The following SNX29 variants were observed in gnomAD, a reference collection of about 807,000 sequenced individuals.
SNX29 encodes sorting nexin-29.
Under a neutral mutation model 102.1 loss-of-function variants are expected in SNX29, and 78 were observed. That is an observed-to-expected ratio of 0.76 (90% CI 0.64 to 0.92). SNX29 has a LOEUF of 0.92. Among genes scored for constraint, SNX29 ranks in the 40% least tolerant of loss-of-function variants. The probability of loss-of-function intolerance (pLI) is 0.00; values close to 1 mark genes in which losing one functional copy is unlikely to be tolerated. For synonymous variants in SNX29, 580 were observed against 414.5 expected, an observed-to-expected ratio of 1.40 and a Z score of -4.85; for missense variants, 1,280 against 1,061.7, an observed-to-expected ratio of 1.21 and a Z score of -2.86.
At chr16:12,042,060 C>A (rs866001291) in intron 4 of SNX29, among the ~76,000 whole-genome samples, 2 of 152,058 alleles carry the variant, frequency 1.3e-5, no homozygotes, top group Non-Finnish European at 2.9e-5. Context: ...GAGGCTGAGT[C>A]TTGTTCTGCC....
intron 20 of SNX29, among the ~76,000 whole-genome samples, chr16:12,532,030 T>C (rs1284502847): frequency 6.6e-6 from 1 of 151,994 alleles, no homozygotes; most frequent in Non-Finnish European, 1.5e-5. Context: ...GCAGGAGGTG[T>C]CACCACATGG....
intron 11 of SNX29, among the ~76,000 whole-genome samples, chr16:12,121,916 A>G (rs113379098): frequency 0.046 from 6,992 of 152,194 alleles, 380 homozygotes; most frequent in African/African-American, 0.12. Flanking sequence ...CCCGGGTTCA[A>G]GTGATTCTCC....
intron 19 of SNX29, among the ~76,000 whole-genome samples, chr16:12,480,193 T>G (rs78715183): frequency 0.02 from 3,009 of 152,234 alleles, 87 homozygotes; most frequent in African/African-American, 0.068. Context: ...TAAAACAAAT[T>G]CATTATCTTA....
chr16:12,424,919 A>G (rs2085002823), intron 18 of SNX29, among the ~76,000 whole-genome samples: 1 of 152,240 alleles, frequency 6.6e-6, no homozygotes, highest in South Asian at 2.1e-4. Flanking sequence ...CAATAAATGG[A>G]GGATAACCCT....
At chr16:12,419,944 G>A (rs775160386) in intron 18 of SNX29, among the ~76,000 whole-genome samples, 2 of 152,222 alleles carry the variant, frequency 1.3e-5, no homozygotes, top group East Asian at 1.9e-4. Context: ...ATCAGCCCAC[G>A]TCCACTGAAG....
intron 16 of SNX29, 50 bp from the exon 17 acceptor site, chr16:12,398,396 G>A: frequency 6.3e-7 from 1 of 1,585,850 alleles, no homozygotes; most frequent in Non-Finnish European, 8.7e-7. Flanking sequence ...TGCAAACCAT[G>A]GTAACCATTA....
intron 15 of SNX29, among the ~76,000 whole-genome samples, chr16:12,312,773 G>C (rs776035170): frequency 6.6e-6 from 1 of 151,920 alleles, no homozygotes. Context: ...ACTGATATTC[G>C]TGATGTATTA....
chr16:12,220,520 G>C (rs987952418), intron 14 of SNX29, among the ~76,000 whole-genome samples: 1 of 152,148 alleles, frequency 6.6e-6, no homozygotes, highest in Non-Finnish European at 1.5e-5. Flanking sequence ...GGGGGACCTG[G>C]TGAAAAATGG....
Position 12,370,530 on chromosome 16 carries a change from A to G in SNX29, c.1899+14251A>G, listed in dbSNP as rs148465853. Among the ~76,000 whole-genome samples the G allele has an allele frequency of 1.2e-4, 18 of 152,286 alleles. No homozygotes were observed. The East Asian group carries it at 3.3e-3, about 28-fold the overall frequency. On this transcript the variant is annotated intron_variant, in intron 16 of 20. Coordinates refer to ENST00000566228, the MANE Select transcript of SNX29 (RefSeq NM_032167.5). ...AGTGGAGATTGTGCCATTATACTTC[A>G]GCCTGGGTGACAGAGCGAAACTCCG...
At chr16:11,985,738 T>A (rs2055596369) in intron 1 of SNX29, among the ~76,000 whole-genome samples, 1 of 151,202 alleles carries the variant, frequency 6.6e-6, no homozygotes. Flanking sequence ...TTGGATGGGG[T>A]GGTTAGGAAT....
chr16:12,129,653 G>A lies in SNX29; in HGVS notation c.1490G>A (p.Gly497Asp). The A allele has an allele frequency of 3.7e-6, 6 of 1,611,128 alleles. No homozygotes were observed. The highest frequency in any genetic ancestry group is 5.1e-6 in the Non-Finnish European group (6 of 1,179,480). The change falls in exon 13 of 21, where the codon GGT becomes GAT. Residue 497 changes from glycine to aspartate, a missense_variant. Gly to Asp is a moderately conservative substitution (Grantham distance 94). Coordinates refer to ENST00000566228, the MANE Select transcript of SNX29 (RefSeq NM_032167.5). ...AGATCACTGCGAAACCTGCTCGACG[G>A]TGAGATGGAGCACTCAGCCGCGCTC... ...ENRSLRNLLD[G>D]EMEHSAALRQ...
intron 6 of SNX29, 68 bp from the exon 7 acceptor site, chr16:12,048,304 G>A (rs1257885859): frequency 1.2e-6 from 2 of 1,610,508 alleles, no homozygotes; most frequent in African/African-American, 1.3e-5. Flanking sequence ...GTCTGCAGCT[G>A]TCTTCTCTTG....
intron 15 of SNX29, among the ~76,000 whole-genome samples, chr16:12,283,594 C>T (rs1012286763): frequency 1.3e-5 from 2 of 152,224 alleles, no homozygotes; most frequent in African/African-American, 4.8e-5. Flanking sequence ...GCTGGGATTA[C>T]AGGCATGAGC....
chr16:12,375,505 G>A (rs1567496614), intron 16 of SNX29: 2 of 152,234 alleles, frequency 1.3e-5, no homozygotes, highest in Non-Finnish European at 2.9e-5. Flanking sequence ...GGTGACTGCA[G>A]ACACCTCAGG....
intron 14 of SNX29, among the ~76,000 whole-genome samples, chr16:12,236,307 G>A (rs1039362371): frequency 4.6e-5 from 7 of 152,196 alleles, no homozygotes; most frequent in African/African-American, 1.4e-4. Flanking sequence ...CCCATGGGGA[G>A]TCTGAGGAGG....
Position 12,568,878 on chromosome 16 carries a change from G to C in SNX29, c.*249G>C, listed in dbSNP as rs2079123332. ...GGGACACACAGTCCTTCTGCTTCTGGGGTCTACCCTGGGCTGCAAGGGCTG... is the reference window on the plus strand; with the variant it reads ...GGGACACACAGTCCTTCTGCTTCTGCGGTCTACCCTGGGCTGCAAGGGCTG... On this transcript the variant is annotated 3_prime_UTR_variant, in exon 21 of 21. Coordinates refer to ENST00000566228, the MANE Select transcript of SNX29 (RefSeq NM_032167.5). 4 of 577,548 alleles carry C rather than the reference G, an allele frequency of 6.9e-6. No homozygotes were observed. Among genetic ancestry groups the C allele is most frequent in the African/African-American group, 1.9e-5 (1 of 52,958 alleles). The allele number at this position is 577,548 out of a possible 1,614,324, so 35.8% of individuals were successfully genotyped here.
chr16:12,197,198 T>C (rs150984972), intron 13 of SNX29, among the ~76,000 whole-genome samples: 269 of 152,336 alleles, frequency 1.8e-3, no homozygotes, highest in South Asian at 6.6e-3. Context: ...TTTTAAGATA[T>C]GTGACTTGAA....
chr16:12,493,683 C>G (rs1415626701), intron 19 of SNX29, among the ~76,000 whole-genome samples: 4 of 152,300 alleles, frequency 2.6e-5, no homozygotes, highest in Non-Finnish European at 5.9e-5. Context: ...CCTCCGCTTC[C>G]TGGGTTCAAA....
chr16:12,145,054 T>A (rs1474096733), intron 13 of SNX29, among the ~76,000 whole-genome samples: 1 of 152,156 alleles, frequency 6.6e-6, no homozygotes, highest in Non-Finnish European at 1.5e-5. Flanking sequence ...GCCTCTGAGC[T>A]TTCAACGTGC....
Sources: gnomAD v4.1 joint callset for allele counts (sites outside exome capture counted in the v4.1 genomes callset) on GRCh38, gnomAD v4.1.1 for gene constraint, MANE v1.5 for transcripts, NCBI Gene and HGNC (gene_info 2026-07-23, HGNC 2026-07-21) for gene names.